The following ACTG2 variants were observed in gnomAD, a reference collection of about 807,000 sequenced individuals.
The protein encoded by ACTG2 is actin gamma 2, smooth muscle, also known as actin, gamma-enteric smooth muscle.
A neutral mutation model predicts 37.6 loss-of-function variants in ACTG2; 16 were observed. The observed-to-expected ratio is 0.43, with a 90% CI of 0.29 to 0.65. ACTG2 has a LOEUF of 0.65. Among genes scored for constraint, ACTG2 ranks in the 30% least tolerant of loss-of-function variants. The probability of loss-of-function intolerance (pLI) is 0.18; values close to 1 mark genes in which losing one functional copy is unlikely to be tolerated. For missense variants in ACTG2, 238 were observed against 490.9 expected, an observed-to-expected ratio of 0.48 and a Z score of 4.87; for synonymous variants, 181 against 179.9, an observed-to-expected ratio of 1.01 and a Z score of -0.05.
intron 3 of ACTG2, chr2:73,908,333 A>G (rs1339436071): frequency 1.0e-5 from 5 of 481,404 alleles, no homozygotes; most frequent in Non-Finnish European, 2.1e-5. Context: ...GCCAGAAGCC[A>G]GAAAGCAATG....
chr2:73,898,791 CTTTTTTTTTTCTT>C (rs1679808216), intron 1 of ACTG2, among the ~76,000 whole-genome samples: 2 of 92,912 alleles, frequency 2.2e-5, no homozygotes, highest in Non-Finnish European at 2.5e-5. Flanking sequence ...TTTTTCTTTT[CTTTTTTTTTTCTT>C]TTTTTTTTTT....
chr2:73,893,109 G>A (rs1679664368), intron 1 of ACTG2, 58 bp downstream of exon 1: 1 of 152,456 alleles, frequency 6.6e-6, no homozygotes, highest in South Asian at 2.1e-4. Context: ...GGCCTCCTGG[G>A]TGCGGGAGGT....
Position 73,909,185 on chromosome 2 carries a change from A to G in ACTG2, c.451+46A>G, listed in dbSNP as rs1301940296. The G allele has an allele frequency of 2.6e-6, 4 of 1,551,788 alleles. No individual in the cohort carries two copies. In the Admixed American group the frequency reaches 6.7e-5, roughly 26 times the overall value. ...TTCCTTTTCTGACTTCAGGGGAGGT[A>G]GGGAAAAGCTGGGGTCTGGCAGAGG... On this transcript the variant is annotated intron_variant, in intron 5 of 8. Coordinates refer to ENST00000345517, the MANE Select transcript of ACTG2 (RefSeq NM_001615.4).
intron 8 of ACTG2, 84 bp from the exon 9 acceptor site, chr2:73,919,348 C>T: frequency 6.6e-7 from 1 of 1,504,002 alleles, no homozygotes; most frequent in Non-Finnish European, 9.0e-7. Context: ...TGGGGCTCCC[C>T]TTTTCTGGGA....
Position 73,916,770 on chromosome 2 carries a change from G to A in ACTG2, c.987+5G>A. ...CCCAGCACCATGAAGATCAAGGTGG[G>A]TCTTGCCTCAGTTGTCTCCATCCTG... is the stretch of plus-strand genomic sequence containing the variant. On this transcript the variant is annotated splice_donor_5th_base_variant and intron_variant, in intron 8 of 8. Coordinates refer to ENST00000345517, the MANE Select transcript of ACTG2 (RefSeq NM_001615.4). The A allele has an allele frequency of 6.2e-7, 1 of 1,612,674 alleles. No homozygotes were observed. The highest frequency in any genetic ancestry group is 8.5e-7 in the Non-Finnish European group (1 of 1,179,350).
chr2:73,908,986 A>G (rs1434292268), intron 4 of ACTG2, 69 bp from the exon 5 acceptor site: 2 of 1,480,640 alleles, frequency 1.4e-6, no homozygotes, highest in East Asian at 4.5e-5. Context: ...GAGATTACAA[A>G]CCATTCTACA....
At chr2:73,916,108 T>G (rs1217635599) in intron 7 of ACTG2, among the ~76,000 whole-genome samples, 2 of 152,170 alleles carry the variant, frequency 1.3e-5, no homozygotes, top group Non-Finnish European at 2.9e-5. Context: ...CCGGGTGTAA[T>G]ACCTCGCGCC....
chr2:73,896,355 A>G (rs1007678173), intron 1 of ACTG2, among the ~76,000 whole-genome samples: 4 of 151,992 alleles, frequency 2.6e-5, no homozygotes, highest in Non-Finnish European at 5.9e-5. Context: ...CTCAAAAAAA[A>G]AAAAAAAAAA....
In ACTG2 at chr2:73,919,567, T is replaced by C; in HGVS notation, c.1123T>C (p.Cys375Arg). ...EAGPSIVHRK[C>R]F ...AGGGCCCTCCATTGTCCACAGGAAG[T>C]GCTTCTAAAGTCAGAACAGGTTCTC... The change falls in exon 9 of 9, where the codon TGC (cysteine) becomes CGC (arginine). Residue 375 changes from cysteine to arginine, a missense_variant. Coordinates refer to ENST00000345517, the MANE Select transcript of ACTG2 (RefSeq NM_001615.4). 1 of 1,614,000 alleles carries C rather than the reference T, an allele frequency of 6.2e-7. No individual in the cohort carries two copies. The highest frequency in any genetic ancestry group is 8.5e-7 in the Non-Finnish European group (1 of 1,179,960).
chr2:73,914,020 G>A (rs373759593), intron 6 of ACTG2, among the ~76,000 whole-genome samples: 3 of 152,132 alleles, frequency 2.0e-5, no homozygotes, highest in East Asian at 3.9e-4. Context: ...CTGGGCAATC[G>A]GCATTTTTTA....
chr2:73,904,555 G>A (rs1679966892), intron 3 of ACTG2, among the ~76,000 whole-genome samples: 2 of 151,570 alleles, frequency 1.3e-5, no homozygotes, highest in Non-Finnish European at 2.9e-5. Flanking sequence ...CTACTCCAGA[G>A]GCTGAGGCAG....
At chr2:73,907,943 TC>T (rs1327961225) in intron 3 of ACTG2, among the ~76,000 whole-genome samples, 1 of 152,208 alleles carries the variant, frequency 6.6e-6, no homozygotes, top group African/African-American at 2.4e-5. Flanking sequence ...CCCAAGTGCC[TC>T]TGTCAGATTC....
At chr2:73,918,624 T>G (rs1680319543) in intron 8 of ACTG2, among the ~76,000 whole-genome samples, 1 of 152,228 alleles carries the variant, frequency 6.6e-6, no homozygotes, top group Non-Finnish European at 1.5e-5. Context: ...GGATCCCCTT[T>G]GAAGTAGAGT....
intron 8 of ACTG2, 58 bp downstream of exon 8, chr2:73,916,823 G>A: frequency 1.3e-6 from 2 of 1,562,962 alleles, no homozygotes; most frequent in Non-Finnish European, 1.7e-6. Context: ...TGCCTACCTG[G>A]GAGTTCCTCG....
chr2:73,893,405 G>A (rs1679670776), intron 1 of ACTG2, among the ~76,000 whole-genome samples: 1 of 152,226 alleles, frequency 6.6e-6, no homozygotes, highest in Admixed American at 6.5e-5. Flanking sequence ...GCTGTTTTAG[G>A]GGATCATATA....
At chr2:73,896,561 A>G (rs1351650319) in intron 1 of ACTG2, among the ~76,000 whole-genome samples, 1 of 151,968 alleles carries the variant, frequency 6.6e-6, no homozygotes, top group Non-Finnish European at 1.5e-5. Context: ...ACCAGGAGGG[A>G]GAAGAGGGTA....
chr2:73,913,706 A>C (rs1680194279), intron 6 of ACTG2, 60 bp downstream of exon 6: 1 of 1,441,384 alleles, frequency 6.9e-7, no homozygotes, highest in South Asian at 1.3e-5. Flanking sequence ...TTAGGACAAG[A>C]AGTTCTCAGG....
At chr2:73,898,877 A>G (rs1438218844) in intron 1 of ACTG2, among the ~76,000 whole-genome samples, 4 of 134,876 alleles carry the variant, frequency 3.0e-5, no homozygotes, top group Admixed American at 8.9e-5. Context: ...ATCTTGGCTC[A>G]CTGCAAGCTC....
intron 8 of ACTG2, among the ~76,000 whole-genome samples, chr2:73,918,370 T>G (rs1573476998): frequency 6.6e-6 from 1 of 152,240 alleles, no homozygotes; most frequent in African/African-American, 2.4e-5. Flanking sequence ...CTAGTGGCTG[T>G]GCATTCCCAG....
Sources: allele counts gnomAD v4.1 joint callset (sites outside exome capture counted in the v4.1 genomes callset), GRCh38; gene constraint gnomAD v4.1.1; transcripts MANE v1.5; gene names NCBI Gene and HGNC (gene_info 2026-07-23, HGNC 2026-07-21).